Variants in STAU1 observed in about 807,000 individuals in gnomAD.
STAU1 encodes the protein staufen double-stranded RNA binding protein 1.
A neutral mutation model predicts 62.9 loss-of-function variants in STAU1; 13 were observed. That is an observed-to-expected ratio of 0.21 (90% CI 0.13 to 0.33). STAU1 has a LOEUF of 0.33. STAU1 is among the 10% of genes least tolerant of loss of function. The probability of loss-of-function intolerance (pLI) is 1.00; values close to 1 mark genes in which losing one functional copy is unlikely to be tolerated. For synonymous variants in STAU1, 269 were observed against 265.1 expected (o/e 1.01, Z -0.14); for missense variants, 571 against 712.1 (o/e 0.80, Z 2.25).
chr20:49,173,489 G>A (rs1285426505), intron 2 of STAU1, among the ~76,000 whole-genome samples: 1 of 152,190 alleles, frequency 6.6e-6, no homozygotes, highest in Admixed American at 6.5e-5. Flanking sequence ...CAAATCCAGT[G>A]TGGTGAGTTT....
rs868809135 is a variant in STAU1, at chr20:49,139,984, G to A, written c.511-4053C>T. 4.7e-4 allele frequency among the ~76,000 whole-genome samples: 72 copies of A among 152,036 alleles called. 2 individuals carry two copies. Among genetic ancestry groups the A allele is most frequent in the Admixed American group, 2.6e-4 (4 of 15,272 alleles). On this transcript the variant is annotated intron_variant, in intron 5 of 13. Transcript: ENST00000371856. ...GCGGATCACCTGAGGTCAGGAGTTC[G>A]AGACCAGCCTGGCCAACATGGTGAA...
intron 5 of STAU1, among the ~76,000 whole-genome samples, chr20:49,150,752 C>T (rs1042596230): frequency 1.1e-4 from 17 of 152,102 alleles, no homozygotes; most frequent in Admixed American, 1.1e-3. Flanking sequence ...ATGGCAGACA[C>T]GATGCTGTGA....
At position 49,134,395 on chromosome 20, in the gene STAU1, C is replaced by T; in HGVS notation, c.609+1438G>A. 2 of 499,278 alleles carry T rather than the reference C, an allele frequency of 4.0e-6. 1 individual carries two copies. The highest frequency in any genetic ancestry group is 7.2e-6 in the Non-Finnish European group (2 of 276,686). The allele number at this position is 499,278 out of a possible 1,614,324, so 30.9% of individuals were successfully genotyped here. A position where few individuals can be genotyped will look rare whatever the true frequency, so the allele number is the denominator to read the frequency against. On this transcript the variant is annotated intron_variant, in intron 6 of 13. Coordinates refer to ENST00000371856, the MANE Select transcript of STAU1 (RefSeq NM_017453.4). ...GCAGTGAGCCGAGAACACACCATTG[C>T]ACTACAGCCTGGGCGACAAGAGTGA... is the stretch of plus-strand genomic sequence containing the variant.
At chr20:49,167,181 C>T (rs1223714041) in intron 2 of STAU1, among the ~76,000 whole-genome samples, 1 of 152,000 alleles carries the variant, frequency 6.6e-6, no homozygotes, top group Non-Finnish European at 1.5e-5. Flanking sequence ...CATGGCCATC[C>T]TTTAAAAGCT....
intron 3 of STAU1, chr20:49,159,146 G>T: frequency 9.5e-7 from 1 of 1,049,708 alleles, no homozygotes; most frequent in South Asian, 2.9e-5. Context: ...AGGGGAAAAA[G>T]CTAAAAAAAA....
intron 3 of STAU1, among the ~76,000 whole-genome samples, chr20:49,157,512 GCT>G (rs2093379690): frequency 6.6e-6 from 1 of 150,846 alleles, no homozygotes; most frequent in East Asian, 2.0e-4. Context: ...AGACAGTCTT[GCT>G]CTGTCGCCAG....
At chr20:49,130,841 G>C (rs1162054786) in intron 6 of STAU1, among the ~76,000 whole-genome samples, 1 of 152,086 alleles carries the variant, frequency 6.6e-6, no homozygotes, top group Non-Finnish European at 1.5e-5. Context: ...GGGAGGCTGA[G>C]GCAGGAGAAT....
chr20:49,189,499 A>T (rs1249551389), upstream of STAU1, among the ~76,000 whole-genome samples: 3 of 148,692 alleles, frequency 2.0e-5, no homozygotes, highest in Non-Finnish European at 4.5e-5. Context: ...GGGCGCCTGT[A>T]ATCACAGCTA....
chr20:49,163,604 T>G (rs2093483066), intron 3 of STAU1, among the ~76,000 whole-genome samples: 1 of 151,650 alleles, frequency 6.6e-6, no homozygotes, highest in Non-Finnish European at 1.5e-5. Context: ...TTTTGTATTT[T>G]TAATAGAGAC....
chr20:49,194,453 G>T, the STAU1 span, among the ~76,000 whole-genome samples: 36 of 141,582 alleles, frequency 2.5e-4, no homozygotes, highest in Non-Finnish European at 5.1e-4. Flanking sequence ...AAAAAGAAAA[G>T]AAAAAGAAAA....
At chr20:49,202,808 AGGTGGGT>A in the STAU1 span, among the ~76,000 whole-genome samples, 3 of 152,052 alleles carry the variant, frequency 2.0e-5, no homozygotes. Flanking sequence ...TGGGAGGCTG[AGGTGGGT>A]GGATCACTTG....
chr20:49,118,058 G>T lies in STAU1; in HGVS notation c.1228C>A (p.His410Asn), dbSNP rs781501816. 6.2e-7 allele frequency: 1 copy of T among 1,614,160 alleles called. No homozygotes were observed. Among genetic ancestry groups the T allele is most frequent in the South Asian group, 1.1e-5 (1 of 91,072 alleles). The change falls in exon 11 of 14, where the codon CAT becomes AAT. Residue 410 changes from histidine to asparagine, a missense_variant. Around this residue, in one of 3 missense-constraint regions of STAU1, gnomAD observed 414 missense variants for 499.6 expected, o/e 0.83. Coordinates refer to ENST00000371856, the MANE Select transcript of STAU1 (RefSeq NM_017453.4). The stretch of plus-strand genomic sequence containing the variant: ...AGAATTCCAGCAGGCAGCTGCTGAT[G>T]ACTTAGATAAGGCATCCTGAACTCA... Reference protein sequence around the residue: ...EDEFRMPYLSHQQLPAGILPM... With the variant: ...EDEFRMPYLSNQQLPAGILPM...
At chr20:49,119,650 T>C (rs2092417250) in intron 9 of STAU1, among the ~76,000 whole-genome samples, 1 of 152,194 alleles carries the variant, frequency 6.6e-6, no homozygotes, top group Non-Finnish European at 1.5e-5. Context: ...GCTTCATTTC[T>C]AGAGTGCAAA....
chr20:49,158,977 CCTTTATTATATGTT>C (rs1568901092), intron 3 of STAU1: 2 of 1,301,298 alleles, frequency 1.5e-6, no homozygotes, highest in Non-Finnish European at 1.0e-6. Context: ...TCAGGGGTCT[CCTTTATTATATGTT>C]CTGCAGTCCA....
At chr20:49,193,778 C>A in the STAU1 span, among the ~76,000 whole-genome samples, 1 of 151,852 alleles carries the variant, frequency 6.6e-6, no homozygotes, top group Admixed American at 6.6e-5. Flanking sequence ...ACCATCCTGG[C>A]GAACACAGTG....
At chr20:49,128,773 C>CAAAAAAAAAAAAAAAAAAA (rs34891670) in intron 6 of STAU1, among the ~76,000 whole-genome samples, 3 of 102,674 alleles carry the variant, frequency 2.9e-5, no homozygotes, top group African/African-American at 1.1e-4. Context: ...CATCCAAATC[C>CAAAAAAAAAAAAAAAAAAA]AAAAAAAAAA....
chr20:49,216,033 A>AAAAAAAAAAAAAAAAAAAAAAAAAAAAAG, the STAU1 span, among the ~76,000 whole-genome samples: 1 of 104,536 alleles, frequency 9.6e-6, no homozygotes, highest in African/African-American at 4.5e-5. Context: ...AAAAAAAAAA[A>AAAAAAAAAAAAAAAAAAAAAAAAAAAAAG]AAGAAGAAGA....
At chr20:49,188,572 C>T (rs2093821237), upstream of STAU1, among the ~76,000 whole-genome samples, 1 of 152,222 alleles carries the variant, frequency 6.6e-6, no homozygotes, top group Non-Finnish European at 1.5e-5. Flanking sequence ...CGGGGCCTGC[C>T]GGGAGTTGTA....
chr20:49,174,739 C>T (rs2093637964), intron 1 of STAU1, among the ~76,000 whole-genome samples: 1 of 152,022 alleles, frequency 6.6e-6, no homozygotes, highest in South Asian at 2.1e-4. Flanking sequence ...AGATCGAGAC[C>T]ATCCTGGCTA....
Sources: gnomAD v4.1 joint callset for allele counts (sites outside exome capture counted in the v4.1 genomes callset) on GRCh38, gnomAD v4.1.1 for gene constraint, gnomAD v4.1.1 regional missense constraint, MANE v1.5 for transcripts, NCBI Gene and HGNC (gene_info 2026-07-23, HGNC 2026-07-21) for gene names.